The following STARD13 variants were observed in gnomAD, a reference collection of about 807,000 sequenced individuals.
STARD13 encodes the protein stAR-related lipid transfer protein 13.
In STARD13, 62 loss-of-function variants were observed where a neutral mutation model predicts 106.4. The observed-to-expected ratio is 0.58, with a 90% CI of 0.48 to 0.72. The LOEUF is 0.72. STARD13 is among the 30% of genes least tolerant of loss of function. The probability of loss-of-function intolerance (pLI) is 0.00; values close to 1 mark genes in which losing one functional copy is unlikely to be tolerated. For missense variants in STARD13, 1,387 were observed against 1,424.0 expected, an observed-to-expected ratio of 0.97 and a Z score of 0.42; for synonymous variants, 565 against 553.0, an observed-to-expected ratio of 1.02 and a Z score of -0.31.
At chr13:33,490,774 C>G in the STARD13 span, among the ~76,000 whole-genome samples, 1 of 152,240 alleles carries the variant, frequency 6.6e-6, no homozygotes, top group Non-Finnish European at 1.5e-5. Flanking sequence ...CACTGGCCCT[C>G]TGCCCTTGCG....
At chr13:33,621,604 C>G in the STARD13 span, among the ~76,000 whole-genome samples, 1 of 146,300 alleles carries the variant, frequency 6.8e-6, no homozygotes, top group Non-Finnish European at 1.5e-5. Context: ...GGCGTGAACC[C>G]GGGAGGCAGA....
chr13:33,491,847 T>TG, the STARD13 span, among the ~76,000 whole-genome samples: 7,401 of 152,288 alleles, frequency 0.049, 225 homozygotes, highest in Non-Finnish European at 0.072. Flanking sequence ...AGTGAAATGA[T>TG]GACAATTGAA....
intron 1 of STARD13, 59 bp from the exon 2 acceptor site, chr13:33,167,681 CT>C (rs1883488795): frequency 6.6e-7 from 1 of 1,521,240 alleles, no homozygotes; most frequent in Admixed American, 1.7e-5. Flanking sequence ...AGTACTCTGC[CT>C]TCTTAATCAT....
chr13:33,526,284 T>G, the STARD13 span, among the ~76,000 whole-genome samples: 1 of 152,130 alleles, frequency 6.6e-6, no homozygotes, highest in Non-Finnish European at 1.5e-5. Flanking sequence ...TTGGTATTTT[T>G]GCAGCCATAT....
At chr13:33,105,872 G>T (rs1396803308) in intron 13 of STARD13, among the ~76,000 whole-genome samples, 162 bp from the exon 14 acceptor site, 4 of 152,202 alleles carry the variant, frequency 2.6e-5, no homozygotes, top group African/African-American at 9.7e-5. Flanking sequence ...TGCCATCAGG[G>T]GCCTTGAAAA....
At chr13:33,189,434 C>CAA (rs1566062333) in intron 1 of STARD13, among the ~76,000 whole-genome samples, 291 of 19,330 alleles carry the variant, frequency 0.015, 2 homozygotes, top group African/African-American at 0.03. Context: ...TTCCTCCTTT[C>CAA]GGAGGAAGGA....
At chr13:33,538,098 TAA>T in the STARD13 span, among the ~76,000 whole-genome samples, 1 of 151,832 alleles carries the variant, frequency 6.6e-6, no homozygotes, top group Non-Finnish European at 1.5e-5. Flanking sequence ...TTTATTAGCA[TAA>T]AGACTCTCAG....
At chr13:33,417,536 T>G in the STARD13 span, among the ~76,000 whole-genome samples, 2 of 152,190 alleles carry the variant, frequency 1.3e-5, no homozygotes, top group African/African-American at 2.4e-5. Context: ...CACAAACTGA[T>G]GAACAGATCA....
chr13:33,216,525 G>C (rs1223701672), intron 1 of STARD13, among the ~76,000 whole-genome samples: 2 of 152,076 alleles, frequency 1.3e-5, no homozygotes, highest in African/African-American at 2.4e-5. Context: ...AGGATGCAAA[G>C]GCATAAGAAT....
At chr13:33,414,797 T>C in the STARD13 span, among the ~76,000 whole-genome samples, 1 of 152,078 alleles carries the variant, frequency 6.6e-6, no homozygotes. Flanking sequence ...TGAGAGAAAA[T>C]GGCTAAAGGG....
chr13:33,137,639 G>T (rs1427357428), intron 4 of STARD13, among the ~76,000 whole-genome samples: 1 of 152,210 alleles, frequency 6.6e-6, no homozygotes, highest in African/African-American at 2.4e-5. Context: ...GTCATGTTGA[G>T]AAGCTTATAA....
At chr13:33,635,644 G>A in the STARD13 span, among the ~76,000 whole-genome samples, 1 of 149,944 alleles carries the variant, frequency 6.7e-6, no homozygotes, top group Admixed American at 6.7e-5. Flanking sequence ...GCCTGGGCGA[G>A]AGAGCAAGAC....
chr13:33,123,006 A>C (rs1426353004), intron 7 of STARD13, among the ~76,000 whole-genome samples: 1 of 135,022 alleles, frequency 7.4e-6, no homozygotes, highest in Non-Finnish European at 1.6e-5. Context: ...CAGTGAGCTG[A>C]GATCGTGCCA....
the STARD13 span, among the ~76,000 whole-genome samples, chr13:33,579,840 GA>G: frequency 6.6e-6 from 1 of 151,842 alleles, no homozygotes; most frequent in Admixed American, 6.6e-5. Context: ...TGTATCTTTA[GA>G]AAACTGCAAG....
At chr13:33,541,344 G>T in the STARD13 span, among the ~76,000 whole-genome samples, 1 of 152,078 alleles carries the variant, frequency 6.6e-6, no homozygotes, top group African/African-American at 2.4e-5. Context: ...CCTCTTTCAC[G>T]TGTTTTCTAG....
At chr13:33,454,400 A>C in the STARD13 span, among the ~76,000 whole-genome samples, 58 of 152,296 alleles carry the variant, frequency 3.8e-4, 2 homozygotes, top group East Asian at 6.9e-3. Flanking sequence ...ACCTTCCCTA[A>C]GAAATCTCTT....
chr13:33,242,238 T>C lies in STARD13; in HGVS notation c.169+43232A>G, dbSNP rs538124358. Among the ~76,000 whole-genome samples, 359 of 152,188 alleles carry C rather than the reference T, an allele frequency of 2.4e-3. 1 individual carries two copies. Among genetic ancestry groups the C allele is most frequent in the Admixed American group, 5.2e-3 (80 of 15,294 alleles). ...GGCAGCCCCCACCCGGCCACCACCC[T>C]GTCTGGGAGGTGTACCCAACAGCTC... On this transcript the variant is annotated intron_variant, in intron 1 of 13. Coordinates refer to ENST00000336934, the MANE Select transcript of STARD13 (RefSeq NM_178006.4).
chr13:33,483,539 G>A, the STARD13 span, among the ~76,000 whole-genome samples: 1 of 152,124 alleles, frequency 6.6e-6, no homozygotes, highest in Non-Finnish European at 1.5e-5. Flanking sequence ...TCTCATCTGA[G>A]ATTCTTTCTA....
At chr13:33,516,698 T>C in the STARD13 span, among the ~76,000 whole-genome samples, 1 of 152,048 alleles carries the variant, frequency 6.6e-6, no homozygotes, top group Non-Finnish European at 1.5e-5. Context: ...TCCTGAGCTC[T>C]TGGGATGTGG....
Sources: allele counts gnomAD v4.1 joint callset (sites outside exome capture counted in the v4.1 genomes callset), GRCh38; gene constraint gnomAD v4.1.1; transcripts MANE v1.5; gene names NCBI Gene and HGNC (gene_info 2026-07-23, HGNC 2026-07-21).